Variants in URB1 observed in about 807,000 individuals in gnomAD.
URB1 encodes nucleolar pre-ribosomal-associated protein 1.
Under a neutral mutation model 242.3 loss-of-function variants are expected in URB1, and 197 were observed. That is an observed-to-expected ratio of 0.81 (90% CI 0.72 to 0.91). The LOEUF is 0.91. URB1 is among the 40% of genes least tolerant of loss of function. The probability of loss-of-function intolerance (pLI) is 0.00; values close to 1 mark genes in which losing one functional copy is unlikely to be tolerated. For synonymous variants in URB1, 1,153 were observed against 1,201.8 expected, an observed-to-expected ratio of 0.96 and a Z score of 0.84; for missense variants, 2,721 against 2,860.5, an observed-to-expected ratio of 0.95 and a Z score of 1.11.
chr21:32,327,141 C>G (rs994036954), intron 30 of URB1, among the ~76,000 whole-genome samples: 1 of 151,928 alleles, frequency 6.6e-6, no homozygotes, highest in African/African-American at 2.4e-5. Flanking sequence ...AGCATCATCA[C>G]AAATAAAGCA....
chr21:32,343,292 T>C (rs1394417203), intron 24 of URB1, among the ~76,000 whole-genome samples: 1 of 152,136 alleles, frequency 6.6e-6, no homozygotes, highest in African/African-American at 2.4e-5. Context: ...TTATGAGTGG[T>C]AGAGGAGAGT....
chr21:32,323,270 A>T (rs1255565221), intron 32 of URB1, among the ~76,000 whole-genome samples: 1 of 152,212 alleles, frequency 6.6e-6, no homozygotes, highest in Non-Finnish European at 1.5e-5. Context: ...TGAAAATGAG[A>T]TCTGAATTCT....
At chr21:32,361,835 G>A (rs1568825260) in intron 12 of URB1, 57 bp downstream of exon 12, 7 of 1,526,728 alleles carry the variant, frequency 4.6e-6, no homozygotes, top group East Asian at 4.9e-5. Flanking sequence ...TAGGCTGCCA[G>A]TGTCAGCTCT....
Position 32,366,587 on chromosome 21 carries a change from T to C in URB1, c.1335+31A>G, listed in dbSNP as rs1027447744. 9 of 1,550,300 alleles carry C rather than the reference T, an allele frequency of 5.8e-6. No homozygotes were observed. The African/African-American group carries it at 1.1e-4, about 19-fold the overall frequency. ...AGCCAGCGAGTTTAGCTGGAGGCAGTTCCAGAAGTGGGGCAACCACATGGC... is the reference window on the plus strand; with the variant it reads ...AGCCAGCGAGTTTAGCTGGAGGCAGCTCCAGAAGTGGGGCAACCACATGGC... On this transcript the variant is annotated intron_variant, in intron 10 of 38. Transcript: ENST00000382751.
rs1409620960 is a variant in URB1, at chr21:32,354,874, T to C, written c.2230A>G (p.Ile744Val). ...KQEADDMSIP[I>V]SHIDDVLDMV... ...TGGAACATACCGTCAATGTGGGAGATGGGAATGCTCATGTCATCGGCTTCT... is the reference window on the plus strand; with the variant it reads ...TGGAACATACCGTCAATGTGGGAGACGGGAATGCTCATGTCATCGGCTTCT... The change falls in exon 17 of 39, where the codon ATC becomes GTC. Residue 744 changes from isoleucine to valine, a missense_variant. Ile to Val is a conservative substitution (Grantham distance 29). Transcript: ENST00000382751. 7 of 1,552,348 alleles carry C rather than the reference T, an allele frequency of 4.5e-6. No individual in the cohort carries two copies. The highest frequency in any genetic ancestry group is 1.7e-4 in the Middle Eastern group (1 of 5,994).
At position 32,312,520 on chromosome 21, in the gene URB1, T is replaced by C; in HGVS notation, c.*2398A>G. On this transcript the variant is annotated 3_prime_UTR_variant, in exon 39 of 39. Coordinates refer to ENST00000382751, the MANE Select transcript of URB1 (RefSeq NM_014825.3). ...GCACCTTCAACCTCCCCACAGCCTT[T>C]CAAAGACAGAGCCCAAGAAAGTGTC... 5.3e-6 allele frequency: 1 copy of C among 189,204 alleles called. No individual in the cohort carries two copies. Among genetic ancestry groups the C allele is most frequent in the Non-Finnish European group, 1.1e-5 (1 of 91,896 alleles). 11.7% of individuals were successfully genotyped at this position (189,204 alleles called of 1,614,324 possible).
At chr21:32,387,651 A>G (rs2146058239) in intron 1 of URB1, among the ~76,000 whole-genome samples, 1 of 152,276 alleles carries the variant, frequency 6.6e-6, no homozygotes, top group Non-Finnish European at 1.5e-5. Flanking sequence ...TTCTATTAAA[A>G]CCCACTTAGT....
At chr21:32,365,161 C>G (rs2033332667) in intron 10 of URB1, among the ~76,000 whole-genome samples, 1 of 152,216 alleles carries the variant, frequency 6.6e-6, no homozygotes, top group Admixed American at 6.5e-5. Flanking sequence ...GGAGGCACAT[C>G]TGGCTGGGTG....
chr21:32,381,526 A>T (rs2033527061), intron 4 of URB1, among the ~76,000 whole-genome samples: 1 of 152,148 alleles, frequency 6.6e-6, no homozygotes, highest in Non-Finnish European at 1.5e-5. Context: ...AAAGACGCAA[A>T]AGGGATCAAA....
At chr21:32,379,223 T>C (rs1194934943) in intron 4 of URB1, among the ~76,000 whole-genome samples, 2 of 152,170 alleles carry the variant, frequency 1.3e-5, no homozygotes, top group African/African-American at 4.8e-5. Flanking sequence ...CCCCTCCCAG[T>C]ATCATTAAGA....
intron 32 of URB1, among the ~76,000 whole-genome samples, chr21:32,323,978 G>C (rs749736266): frequency 1.3e-5 from 2 of 152,186 alleles, no homozygotes; most frequent in South Asian, 4.2e-4. Flanking sequence ...AACAAAAAAA[G>C]TGTGTGATCC....
chr21:32,378,118 G>GAGTCT (rs1377208226), intron 5 of URB1, among the ~76,000 whole-genome samples: 1 of 152,194 alleles, frequency 6.6e-6, no homozygotes, highest in Non-Finnish European at 1.5e-5. Context: ...CCAAGGCTAT[G>GAGTCT]AGTCTGAGTA....
At position 32,387,898 on chromosome 21, in the gene URB1, G is replaced by C. The variant is rs370990407; in HGVS notation, c.143-2214C>G. Among the ~76,000 whole-genome samples the C allele has an allele frequency of 3.4e-3, 513 of 152,260 alleles. 5 individuals are homozygous for C. The highest frequency in any genetic ancestry group is 0.012 in the African/African-American group (490 of 41,568). ...AAACACTTCCTTTAACCTCTCTCCA[G>C]AAATGAGAGTTTCGAGATCCTTCTG... On this transcript the variant is annotated intron_variant, in intron 1 of 38. Coordinates refer to ENST00000382751, the MANE Select transcript of URB1 (RefSeq NM_014825.3).
chr21:32,333,032 G>T (rs998650659), intron 30 of URB1: 1 of 385,312 alleles, frequency 2.6e-6, no homozygotes, highest in Admixed American at 4.3e-5. Flanking sequence ...TAAAAATGCA[G>T]AAAATGTTCA....
intron 14 of URB1, among the ~76,000 whole-genome samples, chr21:32,358,227 C>A (rs897231612): frequency 6.6e-5 from 10 of 152,140 alleles, no homozygotes; most frequent in African/African-American, 2.4e-4. Context: ...CCTCCCAACA[C>A]CCCTGTGAGG....
Position 32,316,700 on chromosome 21 carries a change from C to T in URB1, c.6400G>A (p.Val2134Met), listed in dbSNP as rs2032692250. Reference sequence around the variant, plus strand: ...TCCTTAAGGAGGTCAGCCACGACCACAGGGTGTGGCAAAATATGGCTCTTA... The same window carrying T: ...TCCTTAAGGAGGTCAGCCACGACCATAGGGTGTGGCAAAATATGGCTCTTA... Reference protein sequence around the residue: ...WLKSHILPHPVVVADLLKDSA... With the variant: ...WLKSHILPHPMVVADLLKDSA... Residue 2134 changes from valine to methionine, a missense_variant, in exon 38 of 39, where the codon GTG becomes ATG. Transcript: ENST00000382751. 1 of 1,551,294 alleles carries T rather than the reference C, an allele frequency of 6.4e-7. No individual in the cohort carries two copies. The highest frequency in any genetic ancestry group is 2.0e-5 in the Admixed American group (1 of 50,984).
chr21:32,367,932 C>T (rs2833789), intron 9 of URB1, among the ~76,000 whole-genome samples: 22,591 of 152,082 alleles, frequency 0.15, 2,228 homozygotes, highest in African/African-American at 0.28. Flanking sequence ...AAAGGCAAAA[C>T]GCTATAGAAG....
chr21:32,361,080 G>C lies in URB1; in HGVS notation c.1683C>G (p.Val561=), dbSNP rs1435441842. The change falls in exon 13 of 39, where the codon GTC becomes GTG. Residue 561 remains valine, a synonymous_variant. Transcript: ENST00000382751. ...GGACCACCTTCTGGTAGAGGCATAT[G>C]ACCTGGAGCAAAACAGCTTTCAAAA... ...TILLKAVLLQ[V]ICLYQKVVPH... The C allele has an allele frequency of 1.3e-6, 2 of 1,550,028 alleles. No homozygotes were observed. Among genetic ancestry groups the C allele is most frequent in the South Asian group, 2.4e-5 (2 of 83,868 alleles).
intron 1 of URB1, 109 bp downstream of exon 1, chr21:32,392,660 C>G: frequency 7.7e-7 from 1 of 1,298,286 alleles, no homozygotes; most frequent in Non-Finnish European, 9.9e-7. Flanking sequence ...AGGCTTGCCA[C>G]TGAGCCTATG....
Sources: allele counts gnomAD v4.1 joint callset (sites outside exome capture counted in the v4.1 genomes callset), GRCh38; gene constraint gnomAD v4.1.1; transcripts MANE v1.5; gene names NCBI Gene and HGNC (gene_info 2026-07-23, HGNC 2026-07-21).